Variants in DLGAP4 observed in about 807,000 individuals in gnomAD.
DLGAP4 encodes disks large-associated protein 4.
In DLGAP4, 18 loss-of-function variants were observed where a neutral mutation model predicts 86.9. That is an observed-to-expected ratio of 0.21 (90% CI 0.14 to 0.31). The LOEUF is 0.31. Among genes scored for constraint, DLGAP4 ranks in the 10% least tolerant of loss-of-function variants. The pLI is 1.00. For missense variants in DLGAP4, 1,085 were observed against 1,362.6 expected, an observed-to-expected ratio of 0.80 and a Z score of 3.21; for synonymous variants, 548 against 574.3, an observed-to-expected ratio of 0.95 and a Z score of 0.65.
At chr20:36,525,783 TGGG>T in intron 11 of DLGAP4, 65 bp from the exon 12 acceptor site, 1 of 1,591,864 alleles carries the variant, frequency 6.3e-7, no homozygotes, top group South Asian at 1.1e-5. Flanking sequence ...CCCTGCTTGT[TGGG>T]GGGTTGGGGG....
chr20:36,468,846 A>G (rs188037651), intron 7 of DLGAP4, among the ~76,000 whole-genome samples: 17 of 152,352 alleles, frequency 1.1e-4, no homozygotes, highest in African/African-American at 3.6e-4. Flanking sequence ...AGAGTGACCT[A>G]TGCTGTCCCT....
At chr20:36,443,156 T>C (rs114705683) in intron 6 of DLGAP4, among the ~76,000 whole-genome samples, 2,581 of 152,156 alleles carry the variant, frequency 0.017, 84 homozygotes, top group African/African-American at 0.059. Flanking sequence ...AGCTTCCAGG[T>C]CCCAGCCCCC....
chr20:36,400,902 C>T (rs1346929899), intron 2 of DLGAP4, among the ~76,000 whole-genome samples: 7 of 151,894 alleles, frequency 4.6e-5, no homozygotes, highest in African/African-American at 7.3e-5. Context: ...TGTCACCGGG[C>T]GCTGGGGGGC....
intron 7 of DLGAP4, among the ~76,000 whole-genome samples, chr20:36,490,662 C>T (rs534684176): frequency 6.6e-6 from 1 of 152,318 alleles, no homozygotes; most frequent in African/African-American, 2.4e-5. Flanking sequence ...GGCCCCAGGG[C>T]ACCTGTTCCT....
chr20:36,362,335 G>A (rs1555894288), intron 1 of DLGAP4, among the ~76,000 whole-genome samples: 1 of 152,198 alleles, frequency 6.6e-6, no homozygotes, highest in African/African-American at 2.4e-5. Context: ...GGAGAAGGAA[G>A]AAGAATAGAA....
chr20:36,520,894 G>A (rs1052966369), intron 10 of DLGAP4, among the ~76,000 whole-genome samples: 25 of 151,946 alleles, frequency 1.6e-4, no homozygotes, highest in African/African-American at 3.1e-4. Context: ...GTGCAGTAGC[G>A]TGATCTTGGC....
At chr20:36,313,032 A>G (rs2065066756) in intron 1 of DLGAP4, among the ~76,000 whole-genome samples, 1 of 151,992 alleles carries the variant, frequency 6.6e-6, no homozygotes, top group South Asian at 2.1e-4. Flanking sequence ...GCCTTCTGTG[A>G]CTTCAGGGAT....
Position 36,527,242 on chromosome 20 carries a change from A to T in DLGAP4, c.*211A>T. On this transcript the variant is annotated 3_prime_UTR_variant, in exon 13 of 13. Transcript: ENST00000339266. ...GAAGATTTTACTCACAAAAAAAATC[A>T]ACAAAAATCACGAAACTAGAAAACT... 4.2e-6 allele frequency: 2 copies of T among 477,160 alleles called. No individual in the cohort carries two copies. The highest frequency in any genetic ancestry group is 7.3e-6 in the Non-Finnish European group (2 of 274,598). 29.6% of individuals were successfully genotyped at this position (477,160 alleles called of 1,614,324 possible).
intron 1 of DLGAP4, among the ~76,000 whole-genome samples, chr20:36,356,838 C>G (rs200273343): frequency 9.9e-4 from 150 of 152,190 alleles, no homozygotes; most frequent in Non-Finnish European, 1.9e-3. Flanking sequence ...TCAGTATATC[C>G]CCCAGTCATC....
chr20:36,418,531 A>G (rs1297733715), intron 2 of DLGAP4, among the ~76,000 whole-genome samples: 3 of 152,178 alleles, frequency 2.0e-5, no homozygotes, highest in Non-Finnish European at 4.4e-5. Flanking sequence ...TCTACCACAC[A>G]AAGATGAGTG....
intron 10 of DLGAP4, among the ~76,000 whole-genome samples, chr20:36,513,924 AG>A (rs2147825300): frequency 6.6e-6 from 1 of 152,328 alleles, no homozygotes; most frequent in South Asian, 2.1e-4. Context: ...ATCAGAATAG[AG>A]AAGTCAAGCA....
At chr20:36,521,184 G>T (rs2037357338) in intron 10 of DLGAP4, among the ~76,000 whole-genome samples, 1 of 152,072 alleles carries the variant, frequency 6.6e-6, no homozygotes, top group South Asian at 2.1e-4. Context: ...CGAACTCCTG[G>T]CCTCGAGTGA....
intron 3 of DLGAP4, among the ~76,000 whole-genome samples, chr20:36,434,889 G>A (rs1273858339): frequency 6.6e-6 from 1 of 152,200 alleles, no homozygotes; most frequent in African/African-American, 2.4e-5. Context: ...CACTGAATGA[G>A]TGGGCTTGGA....
At chr20:36,344,749 A>G (rs2029888183) in intron 1 of DLGAP4, among the ~76,000 whole-genome samples, 1 of 152,212 alleles carries the variant, frequency 6.6e-6, no homozygotes, top group Admixed American at 6.5e-5. Context: ...GGCTGGGCCT[A>G]GGGCCCTGGG....
chr20:36,507,233 GT>G (rs2036429251), intron 10 of DLGAP4, among the ~76,000 whole-genome samples: 1 of 150,896 alleles, frequency 6.6e-6, no homozygotes, highest in Non-Finnish European at 1.5e-5. Flanking sequence ...GTTTTGTTTT[GT>G]TTTGTTTTTG....
At chr20:36,425,338 T>A (rs555163103) in intron 2 of DLGAP4, among the ~76,000 whole-genome samples, 155 of 152,242 alleles carry the variant, frequency 1.0e-3, no homozygotes, top group Middle Eastern at 6.8e-3. Context: ...ATGCTCAACA[T>A]CATTAGTCAT....
intron 2 of DLGAP4, among the ~76,000 whole-genome samples, chr20:36,402,574 CCT>C (rs2032193708): frequency 6.6e-6 from 1 of 151,902 alleles, no homozygotes; most frequent in African/African-American, 2.4e-5. Flanking sequence ...ACAGTGAGAC[CCT>C]GTCTCTACAA....
intron 1 of DLGAP4, among the ~76,000 whole-genome samples, chr20:36,348,462 A>G (rs985454564): frequency 3.3e-5 from 5 of 151,516 alleles, no homozygotes; most frequent in South Asian, 4.2e-4. Flanking sequence ...CTTGTCGCCC[A>G]TCTCGTTCTA....
chr20:36,455,466 A>G (rs1050522343), intron 7 of DLGAP4, among the ~76,000 whole-genome samples: 9 of 152,146 alleles, frequency 5.9e-5, no homozygotes, highest in African/African-American at 2.2e-4. Context: ...AGTGTGTGCA[A>G]GCACACAGGC....
Sources: gnomAD v4.1 joint callset for allele counts (sites outside exome capture counted in the v4.1 genomes callset) on GRCh38, gnomAD v4.1.1 for gene constraint, MANE v1.5 for transcripts, NCBI Gene and HGNC (gene_info 2026-07-23, HGNC 2026-07-21) for gene names.